The following MARK3 variants were observed in gnomAD, a reference collection of about 807,000 sequenced individuals.
MARK3 encodes the protein microtubule affinity regulating kinase 3.
MARK3 carries 46 observed loss-of-function variants against 90.1 expected under a neutral mutation model. The observed-to-expected ratio is 0.51, with a 90% CI of 0.40 to 0.65. The LOEUF (loss-of-function observed/expected upper bound fraction) is 0.65. MARK3 is among the 30% of genes least tolerant of loss of function. The pLI, the probability that MARK3 is intolerant of heterozygous loss-of-function variation, is 0.00. For synonymous variants in MARK3, 321 were observed against 332.6 expected (o/e 0.97, Z 0.38); for missense variants, 818 against 947.2 (o/e 0.86, Z 1.79).
At chr14:103,398,754 A>G (rs559928996) in intron 1 of MARK3, among the ~76,000 whole-genome samples, 2 of 152,356 alleles carry the variant, frequency 1.3e-5, no homozygotes, top group South Asian at 4.1e-4. Context: ...GCTGCTTTCA[A>G]AAGTGAAACG....
At chr14:103,466,583 A>G (rs1441650323) in intron 10 of MARK3, 141 bp downstream of exon 10, 1 of 574,876 alleles carries the variant, frequency 1.7e-6, no homozygotes, top group Non-Finnish European at 3.1e-6. Flanking sequence ...TGTCATATTT[A>G]GGAACGTAAC....
chr14:103,431,844 A>T (rs1298716677), intron 3 of MARK3, among the ~76,000 whole-genome samples: 1 of 152,196 alleles, frequency 6.6e-6, no homozygotes, highest in Non-Finnish European at 1.5e-5. Context: ...AAACATAACC[A>T]GCCCTTAGAA....
chr14:103,494,523 A>G (rs2075218576), intron 15 of MARK3, among the ~76,000 whole-genome samples: 1 of 143,510 alleles, frequency 7.0e-6, no homozygotes, highest in African/African-American at 2.6e-5. Flanking sequence ...CAGCCTGGGC[A>G]ACAACAGTGA....
chr14:103,488,644 C>T (rs2093970575), intron 14 of MARK3, among the ~76,000 whole-genome samples: 1 of 152,080 alleles, frequency 6.6e-6, no homozygotes, highest in African/African-American at 2.4e-5. Flanking sequence ...CAGTTGAACC[C>T]AGGAGTTCAA....
At chr14:103,480,064 T>C (rs1168680004) in intron 13 of MARK3, among the ~76,000 whole-genome samples, 1 of 151,762 alleles carries the variant, frequency 6.6e-6, no homozygotes, top group African/African-American at 2.4e-5. Flanking sequence ...GAGGTTGCAG[T>C]GAGCCGAGAT....
chr14:103,485,252 CTTT>C (rs36010258), intron 14 of MARK3, among the ~76,000 whole-genome samples: 1 of 83,582 alleles, frequency 1.2e-5, no homozygotes, highest in African/African-American at 5.0e-5. Context: ...AAAAAGGCTG[CTTT>C]TTTTTTTTTT....
At chr14:103,426,114 C>G (rs1042562020) in intron 2 of MARK3, among the ~76,000 whole-genome samples, 2 of 152,168 alleles carry the variant, frequency 1.3e-5, no homozygotes, top group African/African-American at 4.8e-5. Flanking sequence ...TTTTTTCATT[C>G]TGTCTCTCAC....
At chr14:103,470,359 A>AGG (rs2093601190) in intron 12 of MARK3, among the ~76,000 whole-genome samples, 1 of 151,328 alleles carries the variant, frequency 6.6e-6, no homozygotes, top group African/African-American at 2.4e-5. Flanking sequence ...CAGAGTCCTG[A>AGG]GGCTAGCGTG....
chr14:103,467,012 A>G (rs867008457), intron 10 of MARK3, 67 bp from the exon 11 acceptor site: 16,331 of 629,516 alleles, frequency 0.026, 29 homozygotes, highest in South Asian at 0.06. Flanking sequence ...CTCAAAAAAA[A>G]AAAAAAAAAA....
intron 17 of MARK3, among the ~76,000 whole-genome samples, chr14:103,500,409 A>G (rs1244685487): frequency 2.0e-5 from 3 of 152,184 alleles, no homozygotes; most frequent in African/African-American, 7.2e-5. Context: ...TTTGTGTTCA[A>G]AGCACGGCGA....
intron 1 of MARK3, among the ~76,000 whole-genome samples, chr14:103,392,363 A>G (rs950712153): frequency 6.6e-6 from 1 of 152,224 alleles, no homozygotes; most frequent in Non-Finnish European, 1.5e-5. Context: ...TTAAGCAAAC[A>G]TTAGAATCAC....
chr14:103,455,326 G>A (rs895494589), intron 5 of MARK3, among the ~76,000 whole-genome samples: 1 of 152,112 alleles, frequency 6.6e-6, no homozygotes, highest in Non-Finnish European at 1.5e-5. Context: ...TAGGTCATTC[G>A]CATAGAAAAT....
intron 9 of MARK3, 88 bp from the exon 10 acceptor site, chr14:103,466,255 A>G: frequency 5.4e-6 from 7 of 1,304,952 alleles, no homozygotes; most frequent in Non-Finnish European, 7.5e-6. Flanking sequence ...ACGATAGTCA[A>G]TGAAATGTTG....
chr14:103,412,203 C>G (rs1450866637), intron 2 of MARK3: 2 of 1,084,696 alleles, frequency 1.8e-6, no homozygotes, highest in East Asian at 4.8e-5. Context: ...AGCAGTGACA[C>G]CAAGAAGTTA....
intron 2 of MARK3, among the ~76,000 whole-genome samples, chr14:103,409,831 C>T (rs2140792318): frequency 6.6e-6 from 1 of 152,258 alleles, no homozygotes; most frequent in African/African-American, 2.4e-5. Flanking sequence ...TATTTCCTAT[C>T]AGTGGGCATT....
intron 14 of MARK3, among the ~76,000 whole-genome samples, chr14:103,485,026 T>C (rs902034185): frequency 4.3e-5 from 6 of 138,898 alleles, no homozygotes; most frequent in African/African-American, 1.7e-4. Flanking sequence ...GAGACCAGCC[T>C]GACCAACATG....
chr14:103,462,109 A>G lies in MARK3; in HGVS notation c.484-296A>G, dbSNP rs745818368. Among the ~76,000 whole-genome samples, 9 of 151,782 alleles carry G rather than the reference A, an allele frequency of 5.9e-5. No individual in the cohort carries two copies. In the South Asian group the frequency reaches 6.2e-4, roughly 11 times the overall value. Reference sequence around the variant, plus strand: ...AGCCAGGGTCCTCCAGATCTAGGCAATTTGTTGGGTCCTGGCACTACACTG... The same window carrying G: ...AGCCAGGGTCCTCCAGATCTAGGCAGTTTGTTGGGTCCTGGCACTACACTG... On this transcript the variant is annotated intron_variant, in intron 6 of 17. Coordinates refer to ENST00000429436, the MANE Select transcript of MARK3 (RefSeq NM_001128918.3).
chr14:103,402,899 T>G (rs2091048114), intron 1 of MARK3, among the ~76,000 whole-genome samples: 1 of 151,952 alleles, frequency 6.6e-6, no homozygotes, highest in South Asian at 2.1e-4. Context: ...TGGTGGGTAA[T>G]ACTGGTCTTA....
chr14:103,444,386 T>A (rs979589922), intron 3 of MARK3, among the ~76,000 whole-genome samples: 1 of 152,208 alleles, frequency 6.6e-6, no homozygotes, highest in Non-Finnish European at 1.5e-5. Flanking sequence ...AGGAGAGAAT[T>A]CTTTCAATTT....
Sources: allele counts gnomAD v4.1 joint callset (sites outside exome capture counted in the v4.1 genomes callset), GRCh38; gene constraint gnomAD v4.1.1; transcripts MANE v1.5; gene names NCBI Gene and HGNC (gene_info 2026-07-23, HGNC 2026-07-21).